SYT1: variants seen among roughly 807,000 people sequenced by gnomAD.
SYT1 encodes synaptotagmin-1.
Under a neutral mutation model 44.8 loss-of-function variants are expected in SYT1, and 8 were observed. The ratio of observed to expected loss-of-function variants is 0.18; its 90% CI spans 0.10 to 0.32. The LOEUF (loss-of-function observed/expected upper bound fraction) is 0.32, where lower values mean the gene tolerates loss of function less well. SYT1 is among the 10% of genes least tolerant of loss of function. The pLI is 1.00. For synonymous variants in SYT1, 154 were observed against 188.8 expected, an observed-to-expected ratio of 0.82 and a Z score of 1.51; for missense variants, 286 against 509.3, an observed-to-expected ratio of 0.56 and a Z score of 4.22.
chr12:78,909,505 T>C (rs1264626478), intron 1 of SYT1, among the ~76,000 whole-genome samples: 1 of 152,012 alleles, frequency 6.6e-6, no homozygotes, highest in Admixed American at 6.6e-5. Flanking sequence ...TCCAGGGACA[T>C]GTATACCCCC....
At chr12:79,446,683 C>T (rs1870753705) in intron 10 of SYT1, among the ~76,000 whole-genome samples, 1 of 152,114 alleles carries the variant, frequency 6.6e-6, no homozygotes, top group African/African-American at 2.4e-5. Context: ...TACTTATTTA[C>T]TTTCAACATC....
At chr12:79,200,350 TACAGTGGAGTAATTTATTA>T (rs1873707524) in intron 3 of SYT1, among the ~76,000 whole-genome samples, 1 of 152,026 alleles carries the variant, frequency 6.6e-6, no homozygotes, top group Non-Finnish European at 1.5e-5. Flanking sequence ...GGAGGGTAAT[TACAGTGGAGTAATTTATTA>T]AAGGAGAATT....
intron 2 of SYT1, among the ~76,000 whole-genome samples, chr12:78,980,326 A>C (rs1268512129): frequency 6.6e-6 from 1 of 152,194 alleles, no homozygotes; most frequent in Non-Finnish European, 1.5e-5. Flanking sequence ...TTTGCTTCCT[A>C]CATAGCCGAC....
chr12:79,178,917 GATATAGATATATCT>G (rs1232117973), intron 3 of SYT1, among the ~76,000 whole-genome samples: 2 of 131,414 alleles, frequency 1.5e-5, no homozygotes, highest in African/African-American at 6.0e-5. Flanking sequence ...CCCAGATATA[GATATAGATATATCT>G]ATATAGATAT....
At chr12:78,921,470 C>A (rs1876995366) in intron 1 of SYT1, among the ~76,000 whole-genome samples, 2 of 152,042 alleles carry the variant, frequency 1.3e-5, no homozygotes, top group South Asian at 4.1e-4. Flanking sequence ...TTAAACATAA[C>A]CCTTCAAATC....
intron 4 of SYT1, among the ~76,000 whole-genome samples, chr12:79,283,410 T>C (rs767011084): frequency 6.6e-6 from 1 of 152,206 alleles, no homozygotes; most frequent in Non-Finnish European, 1.5e-5. Flanking sequence ...CCTAGCTCTT[T>C]AACTCCCTTT....
At chr12:79,083,943 T>A (rs1391232923) in intron 3 of SYT1, among the ~76,000 whole-genome samples, 1 of 152,134 alleles carries the variant, frequency 6.6e-6, no homozygotes, top group African/African-American at 2.4e-5. Flanking sequence ...AATGGAAGAT[T>A]CACAAATGAG....
intron 2 of SYT1, among the ~76,000 whole-genome samples, chr12:78,999,128 G>A (rs941589938): frequency 6.6e-6 from 1 of 152,076 alleles, no homozygotes; most frequent in African/African-American, 2.4e-5. Flanking sequence ...ATTCAAATAG[G>A]AAGCTCTGAC....
intron 3 of SYT1, among the ~76,000 whole-genome samples, chr12:79,147,533 CTT>C (rs1490979623): frequency 1.3e-5 from 2 of 152,086 alleles, no homozygotes; most frequent in East Asian, 1.9e-4. Context: ...ATAATTGTAA[CTT>C]AAATTTGGAC....
chr12:79,216,223 G>A lies in SYT1; in HGVS notation c.-17-1280G>A, dbSNP rs145954433. On this transcript the variant is annotated intron_variant, in intron 3 of 10. Transcript: ENST00000261205. ...TGGGATTACAGGAGTGGGCCACCAC[G>A]CCCAGACTAAATTTCATTTTTAAAA... Among the ~76,000 whole-genome samples the A allele has an allele frequency of 4.3e-3, 660 of 152,044 alleles. 6 individuals are homozygous for A. The highest frequency in any genetic ancestry group is 0.015 in the African/African-American group (621 of 41,468).
intron 4 of SYT1, among the ~76,000 whole-genome samples, chr12:79,284,739 T>A (rs956411930): frequency 6.6e-6 from 1 of 150,578 alleles, no homozygotes; most frequent in Non-Finnish European, 1.5e-5. Context: ...CTCGGGACGC[T>A]GAGGCAGGGG....
intron 9 of SYT1, among the ~76,000 whole-genome samples, chr12:79,407,414 G>T (rs531778886): frequency 6.6e-6 from 1 of 152,114 alleles, no homozygotes; most frequent in South Asian, 2.1e-4. Context: ...CCATGCCTTC[G>T]TCTCACTTCC....
chr12:78,914,026 C>G (rs140394220), intron 1 of SYT1, among the ~76,000 whole-genome samples: 9 of 151,696 alleles, frequency 5.9e-5, no homozygotes, highest in African/African-American at 2.2e-4. Context: ...TAATTTTTAC[C>G]TATTTCACAA....
At chr12:79,036,435 A>C (rs1397646457) in intron 2 of SYT1, 1 of 151,852 alleles carries the variant, frequency 6.6e-6, no homozygotes, top group Non-Finnish European at 1.5e-5. Context: ...TACAATGAGT[A>C]GTCTCAATTA....
At chr12:78,953,439 A>G (rs1309783378) in intron 1 of SYT1, among the ~76,000 whole-genome samples, 1 of 152,084 alleles carries the variant, frequency 6.6e-6, no homozygotes, top group Admixed American at 6.6e-5. Flanking sequence ...AGAGTGTGGC[A>G]CATTAGAAGT....
chr12:79,034,108 AT>A (rs1009792395), intron 2 of SYT1, among the ~76,000 whole-genome samples: 1 of 151,494 alleles, frequency 6.6e-6, no homozygotes, highest in African/African-American at 2.4e-5. Flanking sequence ...TTGATTTTGA[AT>A]TTTTTAAATA....
At chr12:78,889,494 AT>A (rs1033424683) in intron 1 of SYT1, among the ~76,000 whole-genome samples, 11 of 151,958 alleles carry the variant, frequency 7.2e-5, no homozygotes, top group African/African-American at 1.7e-4. Flanking sequence ...CTTAATAATC[AT>A]TTTGGAGAGG....
At chr12:79,320,857 G>C (rs186906866) in intron 8 of SYT1, among the ~76,000 whole-genome samples, 1 of 151,674 alleles carries the variant, frequency 6.6e-6, no homozygotes, top group East Asian at 1.9e-4. Context: ...TCTTGGCCTC[G>C]TGATCGGCCC....
intron 3 of SYT1, among the ~76,000 whole-genome samples, chr12:79,179,528 TA>T (rs1565842510): frequency 1.4e-4 from 19 of 140,408 alleles, no homozygotes; most frequent in African/African-American, 4.1e-4. Context: ...TCTATATAGA[TA>T]TAGATATAGA....
Sources: allele counts gnomAD v4.1 joint callset (sites outside exome capture counted in the v4.1 genomes callset), GRCh38; gene constraint gnomAD v4.1.1; transcripts MANE v1.5; gene names NCBI Gene and HGNC (gene_info 2026-07-23, HGNC 2026-07-21).